Variants in ZNF544 observed in about 807,000 individuals in gnomAD.
ZNF544 encodes the protein zinc finger protein AF020591.
Under a neutral mutation model 13.5 loss-of-function variants are expected in ZNF544, and 10 were observed. The observed-to-expected ratio is 0.74, with a 90% confidence interval of 0.46 to 1.25. The LOEUF is 1.25. Among genes scored for constraint, ZNF544 ranks in the 50% most tolerant of loss-of-function variants. The pLI is 0.00. For synonymous variants in ZNF544, 323 were observed against 300.5 expected, an observed-to-expected ratio of 1.07 and a Z score of -0.77; for missense variants, 896 against 845.6, an observed-to-expected ratio of 1.06 and a Z score of -0.74.
intron 6 of ZNF544, among the ~76,000 whole-genome samples, chr19:58,251,017 G>A (rs1053611175): frequency 1.1e-4 from 16 of 152,306 alleles, no homozygotes; most frequent in African/African-American, 3.9e-4. Context: ...TGTATACACA[G>A]GCTGTGGGTG....
intron 6 of ZNF544, chr19:58,258,218 A>T (rs2047981995): frequency 6.6e-6 from 1 of 152,402 alleles, no homozygotes; most frequent in Non-Finnish European, 1.5e-5. Flanking sequence ...ACCTGGACAC[A>T]ACTCAGCCAC....
intron 6 of ZNF544, 112 bp downstream of exon 6, chr19:58,246,906 G>T: frequency 1.0e-6 from 1 of 968,112 alleles, no homozygotes; most frequent in East Asian, 2.5e-5. Context: ...AAGCCTCCTT[G>T]GGTGCTCTTT....
intron 6 of ZNF544, among the ~76,000 whole-genome samples, chr19:58,254,283 C>G (rs1173012782): frequency 1.3e-5 from 2 of 152,050 alleles, no homozygotes; most frequent in East Asian, 1.9e-4. Context: ...TCTCACTTTC[C>G]CATTCAACAG....
intron 3 of ZNF544, among the ~76,000 whole-genome samples, chr19:58,234,037 A>C (rs2041892510): frequency 6.6e-6 from 1 of 151,976 alleles, no homozygotes; most frequent in Non-Finnish European, 1.5e-5. Context: ...ACTTCTCTCC[A>C]TTTTGCTGTC....
downstream of ZNF544, among the ~76,000 whole-genome samples, chr19:58,264,635 T>A (rs1309291457): frequency 2.0e-5 from 3 of 151,906 alleles, no homozygotes; most frequent in Non-Finnish European, 4.4e-5. Context: ...AGGTTGCAGT[T>A]AGCTGAGATC....
chr19:58,237,368 T>C (rs1045163777), intron 3 of ZNF544, among the ~76,000 whole-genome samples: 1 of 152,166 alleles, frequency 6.6e-6, no homozygotes, highest in Non-Finnish European at 1.5e-5. Context: ...CAAGCTTCTG[T>C]TCATCTTAAG....
chr19:58,246,577 G>C (rs2045268134), intron 5 of ZNF544, 134 bp from the exon 6 acceptor site: 1 of 1,462,146 alleles, frequency 6.8e-7, no homozygotes, highest in Non-Finnish European at 9.3e-7. Flanking sequence ...TTCTATCTCT[G>C]GGACAGGTTT....
chr19:58,249,448 T>C (rs1399280880), intron 6 of ZNF544, among the ~76,000 whole-genome samples: 2 of 152,302 alleles, frequency 1.3e-5, no homozygotes, highest in East Asian at 3.9e-4. Flanking sequence ...TGAAGCTTGA[T>C]GGTCTCTAGG....
chr19:58,242,888 G>A (rs1196555659), intron 3 of ZNF544, among the ~76,000 whole-genome samples: 4 of 152,148 alleles, frequency 2.6e-5, no homozygotes, highest in Middle Eastern at 3.4e-3. Context: ...TAGTAGAGAC[G>A]GTTTCACCAT....
chr19:58,232,432 GC>G (rs2146430243), intron 3 of ZNF544, among the ~76,000 whole-genome samples: 1 of 141,188 alleles, frequency 7.1e-6, no homozygotes, highest in African/African-American at 2.7e-5. Flanking sequence ...GCTCACTGCA[GC>G]CTTGACCTCC....
intron 5 of ZNF544, among the ~76,000 whole-genome samples, chr19:58,274,179 T>G (rs936836215): frequency 6.6e-6 from 1 of 152,040 alleles, no homozygotes; most frequent in Non-Finnish European, 1.5e-5. Flanking sequence ...ATTTTATTAA[T>G]ATAATTTTTC....
chr19:58,260,556 A>G (rs969043389), intron 6 of ZNF544: 16 of 229,944 alleles, frequency 7.0e-5, no homozygotes, highest in African/African-American at 3.7e-4. Flanking sequence ...CTGGGATTAC[A>G]GGTGTGAGCC....
At chr19:58,258,992 G>A (rs1383630316) in intron 6 of ZNF544, 2 of 152,192 alleles carry the variant, frequency 1.3e-5, no homozygotes, top group East Asian at 3.8e-4. Flanking sequence ...AGGATGGCAA[G>A]ATCAACCATA....
At chr19:58,268,590 G>A (rs2050226857), downstream of ZNF544, among the ~76,000 whole-genome samples, 1 of 152,230 alleles carries the variant, frequency 6.6e-6, no homozygotes, top group Non-Finnish European at 1.5e-5. Flanking sequence ...TTATTCCTTA[G>A]GCAGTTTGTC....
chr19:58,231,780 TTTCATTA>T (rs1485387721), intron 3 of ZNF544: 1 of 152,194 alleles, frequency 6.6e-6, no homozygotes, highest in Non-Finnish European at 1.5e-5. Context: ...AGGTCTCTAT[TTTCATTA>T]AAGAAGCTTA....
At chr19:58,269,159 G>A (rs1221113967) in intron 5 of ZNF544, among the ~76,000 whole-genome samples, 1 of 152,232 alleles carries the variant, frequency 6.6e-6, no homozygotes, top group Non-Finnish European at 1.5e-5. Context: ...GGCAGGCTGG[G>A]CGTGGTGGCT....
At chr19:58,247,892 C>A (rs1001098700) in intron 6 of ZNF544, among the ~76,000 whole-genome samples, 3 of 151,996 alleles carry the variant, frequency 2.0e-5, no homozygotes, top group African/African-American at 7.2e-5. Context: ...ACATCTGTTA[C>A]AATCGGCAAA....
chr19:58,264,225 C>T (rs976647050), downstream of ZNF544: 2 of 151,424 alleles, frequency 1.3e-5, no homozygotes, highest in Admixed American at 6.6e-5. Context: ...GAAACCCCGT[C>T]TCGACGAAAT....
intron 6 of ZNF544, among the ~76,000 whole-genome samples, chr19:58,257,111 C>T (rs1053646065): frequency 2.0e-4 from 30 of 152,090 alleles, no homozygotes; most frequent in Non-Finnish European, 3.2e-4. Flanking sequence ...TTATTAGAGA[C>T]GGGTTTTCAC....
Sources: allele counts gnomAD v4.1 joint callset (sites outside exome capture counted in the v4.1 genomes callset), GRCh38; gene constraint gnomAD v4.1.1; transcripts MANE v1.5; gene names NCBI Gene and HGNC (gene_info 2026-07-23, HGNC 2026-07-21).